PCDHGA11: variants seen among roughly 807,000 people sequenced by gnomAD.
The protein encoded by PCDHGA11 is protocadherin gamma subfamily A, 11, also known as protocadherin gamma-A11.
Under a neutral mutation model 60.4 loss-of-function variants are expected in PCDHGA11, and 39 were observed. The ratio of observed to expected loss-of-function variants is 0.65; its 90% CI spans 0.50 to 0.84. PCDHGA11 has a LOEUF of 0.84. Ranked by LOEUF, PCDHGA11 falls within the 40% of genes least tolerant of loss-of-function variation. PCDHGA11 has a pLI of 0.00. For missense variants in PCDHGA11, 1,165 were observed against 1,197.7 expected, an observed-to-expected ratio of 0.97 and a Z score of 0.40; for synonymous variants, 533 against 510.3, an observed-to-expected ratio of 1.04 and a Z score of -0.60.
Position 141,432,442 on chromosome 5 carries a change from G to A in PCDHGA11, c.2433+8782G>A. 1 of 1,614,228 alleles carries A rather than the reference G, an allele frequency of 6.2e-7. No individual in the cohort carries two copies. Among genetic ancestry groups the A allele is most frequent in the Non-Finnish European group, 8.5e-7 (1 of 1,180,042 alleles). On this transcript the variant is annotated intron_variant, in intron 1 of 3. Transcript: ENST00000398587. The surrounding 1 kb of genome is among the most constrained non-coding windows in gnomAD (Gnocchi z 6.0). ...TGGACCAGAACGACAATGCGCCCGA[G>A]ATCCTGTACCCCGCCCTCCCCACGG...
intron 1 of PCDHGA11, among the ~76,000 whole-genome samples, chr5:141,483,459 G>A (rs1214951485): frequency 6.6e-6 from 1 of 152,186 alleles, no homozygotes; most frequent in Non-Finnish European, 1.5e-5. Flanking sequence ...AGGACTTGTT[G>A]ATTGACATGA....
At position 141,490,370 on chromosome 5, in the gene PCDHGA11, G is replaced by C. The variant is rs768474199; in HGVS notation, c.2434-4437G>C. ...GTGGGGTTGTTTAATGTGCGAGACC[G>C]GGACTCAGGTAGAAATGGTGAAGTG... On this transcript the variant is annotated intron_variant, in intron 1 of 3. Coordinates refer to ENST00000398587, the MANE Select transcript of PCDHGA11 (RefSeq NM_018914.3). The surrounding 1 kb of genome is among the most constrained non-coding windows in gnomAD (Gnocchi z 5.4). 1 of 1,614,172 alleles carries C rather than the reference G, an allele frequency of 6.2e-7. No individual in the cohort carries two copies. Among genetic ancestry groups the C allele is most frequent in the Admixed American group, 1.7e-5 (1 of 60,026 alleles).
intron 1 of PCDHGA11, among the ~76,000 whole-genome samples, chr5:141,429,369 G>A (rs1368624471): frequency 6.7e-6 from 1 of 148,994 alleles, no homozygotes; most frequent in Non-Finnish European, 1.5e-5. Context: ...AGAAAATGGA[G>A]AAAATGTGTT....
chr5:141,460,377 T>C (rs1592666836), intron 1 of PCDHGA11, among the ~76,000 whole-genome samples: 1 of 152,342 alleles, frequency 6.6e-6, no homozygotes, highest in Non-Finnish European at 1.5e-5. Flanking sequence ...AGTTTTACCA[T>C]TTATAATTTG....
chr5:141,431,442 TCC>T lies in PCDHGA11; in HGVS notation c.2433+7783_2433+7784del. ...CCGGTGCGCACAGGCACCGCGCGCATCCGCGTGATGGTTCTGGATGCGAACGA... is the reference window on the plus strand; with the variant it reads ...CCGGTGCGCACAGGCACCGCGCGCATGCGTGATGGTTCTGGATGCGAACGA... On this transcript the variant is annotated intron_variant, in intron 1 of 3. Transcript: ENST00000398587. This position sits in a 1 kb window ranked among gnomAD's most constrained non-coding sequence, Gnocchi z 4.8. 1 of 1,613,746 alleles carries T rather than the reference TCC, an allele frequency of 6.2e-7. No homozygotes were observed. The highest frequency in any genetic ancestry group is 1.3e-5 in the African/African-American group (1 of 75,074).
At chr5:141,464,227 T>C (rs539811399) in intron 1 of PCDHGA11, among the ~76,000 whole-genome samples, 58 of 147,282 alleles carry the variant, frequency 3.9e-4, no homozygotes, top group Admixed American at 2.5e-3. Flanking sequence ...ATTGCGCCAC[T>C]GCACTCCAGC....
chr5:141,441,725 C>A, intron 1 of PCDHGA11: 1 of 352,450 alleles, frequency 2.8e-6, no homozygotes. Flanking sequence ...AGGCCCGCGA[C>A]CAGGACTAGC....
At position 141,490,132 on chromosome 5, in the gene PCDHGA11, A is replaced by C. The variant is rs1245562757; in HGVS notation, c.2434-4675A>C. On this transcript the variant is annotated intron_variant, in intron 1 of 3. Coordinates refer to ENST00000398587, the MANE Select transcript of PCDHGA11 (RefSeq NM_018914.3). This position sits in a 1 kb window ranked among gnomAD's most constrained non-coding sequence, Gnocchi z 5.4. ...GCGGAACCTCTTTGGCCTAGACCCT[A>C]GCAGTGGGGCAATCCATGTGTTGGG... 6.2e-7 allele frequency: 1 copy of C among 1,614,220 alleles called. No individual in the cohort carries two copies. Among genetic ancestry groups the C allele is most frequent in the South Asian group, 1.1e-5 (1 of 91,088 alleles).
intron 2 of PCDHGA11, among the ~76,000 whole-genome samples, chr5:141,496,557 C>T (rs190275684): frequency 2.0e-5 from 3 of 152,258 alleles, no homozygotes; most frequent in Admixed American, 1.3e-4. Flanking sequence ...TGGGCATGCA[C>T]AGTCCTGTCA....
chr5:141,471,196 C>T (rs59385734), intron 1 of PCDHGA11: 16,293 of 151,632 alleles, frequency 0.11, 894 homozygotes, highest in South Asian at 0.15. Context: ...ATTACAGGCA[C>T]CCACCCCCAT....
intron 1 of PCDHGA11, among the ~76,000 whole-genome samples, chr5:141,469,489 C>T (rs1013080566): frequency 4.6e-5 from 7 of 151,928 alleles, no homozygotes; most frequent in Middle Eastern, 3.4e-3. Context: ...GCAGGAGAAT[C>T]GCTTGAACCC....
chr5:141,452,252 C>T (rs868364679), intron 1 of PCDHGA11, among the ~76,000 whole-genome samples: 2 of 152,106 alleles, frequency 1.3e-5, no homozygotes, highest in Non-Finnish European at 2.9e-5. Context: ...TTTGCCATAA[C>T]TCTCTCATTT....
chr5:141,485,888 G>T lies in PCDHGA11; in HGVS notation c.2434-8919G>T, dbSNP rs1166795987. 3 of 1,614,028 alleles carry T rather than the reference G, an allele frequency of 1.9e-6. No homozygotes were observed. The highest frequency in any genetic ancestry group is 2.5e-6 in the Non-Finnish European group (3 of 1,180,032). ...ATCCGTGCTGGACGTAAACGACAAC[G>T]CCCCAGCCTTCCAGCAATCCAGCTA... On this transcript the variant is annotated intron_variant, in intron 1 of 3. Coordinates refer to ENST00000398587, the MANE Select transcript of PCDHGA11 (RefSeq NM_018914.3). The surrounding 1 kb of genome is among the most constrained non-coding windows in gnomAD (Gnocchi z 5.7).
At chr5:141,471,046 C>CT (rs1170588345) in intron 1 of PCDHGA11, among the ~76,000 whole-genome samples, 3,156 of 113,234 alleles carry the variant, frequency 0.028, 57 homozygotes, top group African/African-American at 0.046. Context: ...CCCAAGCCCT[C>CT]TTTTTTTTTT....
chr5:141,470,023 G>A (rs1258101057), intron 1 of PCDHGA11, among the ~76,000 whole-genome samples: 1 of 152,110 alleles, frequency 6.6e-6, no homozygotes, highest in Admixed American at 6.6e-5. Context: ...CAGCTACTCG[G>A]GATGCTGAGG....
chr5:141,455,388 A>C (rs1415223043), intron 1 of PCDHGA11, among the ~76,000 whole-genome samples: 1 of 152,086 alleles, frequency 6.6e-6, no homozygotes, highest in Non-Finnish European at 1.5e-5. Context: ...AGAAGGAAGG[A>C]GCTCCCCCTT....
At chr5:141,424,094 A>G (rs1036391991) in intron 1 of PCDHGA11, 11 of 864,422 alleles carry the variant, frequency 1.3e-5, no homozygotes, top group Non-Finnish European at 1.4e-5. Context: ...ATTATTTGCT[A>G]TTACTGCTAA....
In PCDHGA11 at chr5:141,482,160, T is replaced by C. The variant is rs577572891; in HGVS notation, c.2434-12647T>C. Reference sequence around the variant, plus strand: ...GCATAAAAAGGTCAAGTCAAAGATATGTAAGATTAAGGCTTTACGATGCTC... The same window carrying C: ...GCATAAAAAGGTCAAGTCAAAGATACGTAAGATTAAGGCTTTACGATGCTC... On this transcript the variant is annotated intron_variant, in intron 1 of 3. Coordinates refer to ENST00000398587, the MANE Select transcript of PCDHGA11 (RefSeq NM_018914.3). 1.6e-4 allele frequency among the ~76,000 whole-genome samples: 25 copies of C among 151,966 alleles called. No homozygotes were observed. In the South Asian group the frequency reaches 4.0e-3, roughly 24 times the overall value.
chr5:141,477,262 C>A lies in PCDHGA11; in HGVS notation c.2434-17545C>A, dbSNP rs60063068. 1.2e-5 allele frequency: 19 copies of A among 1,614,020 alleles called. No homozygotes were observed. The East Asian group carries it at 4.2e-4, about 36-fold the overall frequency. On this transcript the variant is annotated intron_variant, in intron 1 of 3. Transcript: ENST00000398587. This position sits in a 1 kb window ranked among gnomAD's most constrained non-coding sequence, Gnocchi z 4.9. ...TCAGTGTGACTGACCTGGATGCTGG[C>A]GAGAACGGGCTGGTGACCTGCGAAG...
Sources: allele counts gnomAD v4.1 joint callset (sites outside exome capture counted in the v4.1 genomes callset), GRCh38; gene constraint gnomAD v4.1.1; non-coding constraint Gnocchi (gnomAD v3.1); transcripts MANE v1.5; gene names NCBI Gene and HGNC (gene_info 2026-07-23, HGNC 2026-07-21).